The following RIMS1 variants were observed in gnomAD, a reference collection of about 807,000 sequenced individuals.
RIMS1 encodes regulating synaptic membrane exocytosis protein 1.
A neutral mutation model predicts 214.1 loss-of-function variants in RIMS1; 83 were observed. The observed-to-expected ratio is 0.39, with a 90% CI of 0.32 to 0.47. The LOEUF (loss-of-function observed/expected upper bound fraction) is 0.47, where lower values mean the gene tolerates loss of function less well. Ranked by LOEUF, RIMS1 falls within the 20% of genes least tolerant of loss-of-function variation. The pLI, the probability that RIMS1 is intolerant of heterozygous loss-of-function variation, is 0.99. For missense variants in RIMS1, 2,050 were observed against 2,161.8 expected (o/e 0.95, Z 1.03); for synonymous variants, 793 against 786.8 (o/e 1.01, Z -0.13).
chr6:72,149,938 C>T (rs559190480), intron 4 of RIMS1, among the ~76,000 whole-genome samples: 25 of 152,272 alleles, frequency 1.6e-4, no homozygotes, highest in South Asian at 6.2e-4. Context: ...ACCTAGCCTG[C>T]CTGTTTTACA....
intron 16 of RIMS1, among the ~76,000 whole-genome samples, chr6:72,253,972 T>A (rs2074647466): frequency 6.6e-6 from 1 of 152,132 alleles, no homozygotes; most frequent in Non-Finnish European, 1.5e-5. Context: ...TTCGAGTGAT[T>A]CTCCTGCCTC....
intron 5 of RIMS1, among the ~76,000 whole-genome samples, chr6:72,180,321 TC>T (rs2048242016): frequency 6.6e-6 from 1 of 152,212 alleles, no homozygotes; most frequent in Non-Finnish European, 1.5e-5. Flanking sequence ...TAAGGGTATT[TC>T]TTTTATGCTG....
chr6:72,392,262 T>C (rs892913559), intron 30 of RIMS1, among the ~76,000 whole-genome samples: 1 of 152,236 alleles, frequency 6.6e-6, no homozygotes, highest in Non-Finnish European at 1.5e-5. Context: ...CAATTAAATG[T>C]TTATAAATAA....
chr6:71,896,133 T>C (rs1771679951), intron 1 of RIMS1, among the ~76,000 whole-genome samples: 1 of 152,202 alleles, frequency 6.6e-6, no homozygotes, highest in Admixed American at 6.5e-5. Flanking sequence ...TTATTTTAGA[T>C]ATTGAAATTT....
intron 1 of RIMS1, among the ~76,000 whole-genome samples, chr6:71,910,267 ATATAT>A (rs1387018140): frequency 5.3e-5 from 8 of 152,256 alleles, no homozygotes; most frequent in African/African-American, 1.4e-4. Context: ...CATTTTAAAA[ATATAT>A]TATTTTAGGA....
chr6:72,136,991 T>C (rs1380288843), intron 4 of RIMS1, among the ~76,000 whole-genome samples: 1 of 152,022 alleles, frequency 6.6e-6, no homozygotes. Flanking sequence ...CTTGGATGTT[T>C]TAGTTAATAT....
chr6:71,964,159 A>G (rs150452756), intron 1 of RIMS1, among the ~76,000 whole-genome samples: 1 of 152,178 alleles, frequency 6.6e-6, no homozygotes, highest in Admixed American at 6.5e-5. Flanking sequence ...TTGAGCAAAG[A>G]CTTTAAAGAA....
intron 2 of RIMS1, among the ~76,000 whole-genome samples, chr6:71,992,402 C>CTT (rs1562049764): frequency 0.063 from 8,966 of 143,414 alleles, 340 homozygotes; most frequent in Non-Finnish European, 0.078. Flanking sequence ...CTTTCTCTCT[C>CTT]TCTCTTTCTT....
intron 6 of RIMS1, among the ~76,000 whole-genome samples, chr6:72,220,545 G>C (rs2058041743): frequency 1.3e-5 from 2 of 152,034 alleles, no homozygotes; most frequent in South Asian, 4.1e-4. Context: ...TCTATGGTTA[G>C]TGGATAAACT....
At chr6:72,246,028 A>T (rs1392176409) in intron 11 of RIMS1, among the ~76,000 whole-genome samples, 167 bp downstream of exon 11, 1 of 152,210 alleles carries the variant, frequency 6.6e-6, no homozygotes, top group Non-Finnish European at 1.5e-5. Context: ...AATCCAAAGA[A>T]GTCCTACTTC....
intron 2 of RIMS1, among the ~76,000 whole-genome samples, chr6:72,060,853 A>G (rs1827664092): frequency 6.6e-6 from 1 of 152,180 alleles, no homozygotes; most frequent in Non-Finnish European, 1.5e-5. Flanking sequence ...CAGGGTCTAA[A>G]TCTTGTTCAC....
chr6:72,060,695 C>T (rs568522623), intron 2 of RIMS1, among the ~76,000 whole-genome samples: 1 of 152,300 alleles, frequency 6.6e-6, no homozygotes, highest in South Asian at 2.1e-4. Context: ...TTCAGCATCT[C>T]AGTTATATCT....
intron 2 of RIMS1, among the ~76,000 whole-genome samples, chr6:72,065,834 GA>G (rs915871310): frequency 6.7e-6 from 1 of 149,480 alleles, no homozygotes; most frequent in Non-Finnish European, 1.5e-5. Context: ...CTTTTAACCA[GA>G]TATGCTATAT....
At chr6:72,262,341 A>G (rs2078408756) in intron 19 of RIMS1, 1 of 972,356 alleles carries the variant, frequency 1.0e-6, no homozygotes, top group Non-Finnish European at 1.2e-6. Flanking sequence ...TTGACTTTGC[A>G]TTTCCTGATT....
rs1462965187 is a variant in RIMS1 at position 71,886,939 on chromosome 6, G to C, written c.-85G>C. The C allele has an allele frequency of 4.8e-5, 71 of 1,493,928 alleles. No homozygotes were observed. The highest frequency in any genetic ancestry group is 6.3e-5 in the Non-Finnish European group (69 of 1,099,618). The allele number at this position is 1,493,928 out of a possible 1,614,324, so 92.5% of individuals were successfully genotyped here. ...CGCCGCCGCTAGGGCTCCGCTGTGA[G>C]GGGGAAGCAGGGGCGCAGCTGCTGG... On this transcript the variant is annotated 5_prime_UTR_variant, in exon 1 of 34. Coordinates refer to ENST00000521978, the MANE Select transcript of RIMS1 (RefSeq NM_014989.7).
intron 17 of RIMS1, 68 bp downstream of exon 17, chr6:72,258,349 C>T (rs2076716969): frequency 6.7e-6 from 9 of 1,344,212 alleles, no homozygotes; most frequent in Non-Finnish European, 9.1e-6. Flanking sequence ...TAAATTGCTG[C>T]AAAACTAACT....
Position 72,080,282 on chromosome 6 carries a change from A to G in RIMS1, c.246-16667A>G, listed in dbSNP as rs535260850. 3.3e-4 allele frequency among the ~76,000 whole-genome samples: 50 copies of G among 152,050 alleles called. No homozygotes were observed. In the South Asian group the frequency reaches 0.01, roughly 32 times the overall value. ...CCATCTCAAAAATAAAATAAAATAC[A>G]AAACAAAGTACATAACAGTCATGAA... On this transcript the variant is annotated intron_variant, in intron 2 of 33. Transcript: ENST00000521978.
intron 6 of RIMS1, among the ~76,000 whole-genome samples, chr6:72,215,490 A>G (rs972786779): frequency 2.0e-5 from 3 of 152,264 alleles, no homozygotes. Context: ...TGCTACTTAT[A>G]AATCATGGAC....
chr6:72,216,087 T>C (rs1438641250), intron 6 of RIMS1, among the ~76,000 whole-genome samples: 3 of 152,168 alleles, frequency 2.0e-5, no homozygotes, highest in Admixed American at 1.3e-4. Context: ...TATTCATTGC[T>C]GTTTCTGGGA....
Sources: gnomAD v4.1 joint callset for allele counts (sites outside exome capture counted in the v4.1 genomes callset) on GRCh38, gnomAD v4.1.1 for gene constraint, MANE v1.5 for transcripts, NCBI Gene and HGNC (gene_info 2026-07-23, HGNC 2026-07-21) for gene names.